The following TMEM260 variants were observed in gnomAD, a reference collection of about 807,000 sequenced individuals.
The protein encoded by TMEM260 is transmembrane protein 260, also known as protein O-mannosyl-transferase TMEM260.
In TMEM260, 82 loss-of-function variants were observed where a neutral mutation model predicts 88.9. The observed-to-expected ratio is 0.92, with a 90% confidence interval of 0.77 to 1.11. The LOEUF (loss-of-function observed/expected upper bound fraction) is 1.11. Ranked by LOEUF, TMEM260 falls within the 50% of genes least tolerant of loss-of-function variation. The pLI, the probability that TMEM260 is intolerant of heterozygous loss-of-function variation, is 0.00. For missense variants in TMEM260, 902 were observed against 853.4 expected (o/e 1.06, Z -0.71); for synonymous variants, 314 against 309.3 (o/e 1.02, Z -0.16).
intron 11 of TMEM260, among the ~76,000 whole-genome samples, chr14:56,625,068 C>T (rs1020249883): frequency 2.0e-5 from 3 of 152,244 alleles, no homozygotes; most frequent in Non-Finnish European, 2.9e-5. Context: ...GTAATGCTGG[C>T]CCCTGCTGTG....
At chr14:56,594,039 G>A (rs957868547) in intron 3 of TMEM260, among the ~76,000 whole-genome samples, 2 of 151,990 alleles carry the variant, frequency 1.3e-5, no homozygotes, top group African/African-American at 4.8e-5. Context: ...TCATAGTGGT[G>A]GTGGTTGAAG....
intron 3 of TMEM260, among the ~76,000 whole-genome samples, chr14:56,587,249 T>G (rs959555930): frequency 6.6e-5 from 10 of 151,942 alleles, no homozygotes. Context: ...ATTTTGATAG[T>G]CTGTATTTTA....
At chr14:56,662,836 G>A in the TMEM260 span, among the ~76,000 whole-genome samples, 1 of 152,186 alleles carries the variant, frequency 6.6e-6, no homozygotes, top group Non-Finnish European at 1.5e-5. Flanking sequence ...ATTCTAGAAG[G>A]CAGTTGCATT....
At chr14:56,603,748 A>T in intron 3 of TMEM260, 67 bp from the exon 4 acceptor site, 1 of 1,584,180 alleles carries the variant, frequency 6.3e-7, no homozygotes, top group South Asian at 1.1e-5. Flanking sequence ...GGTACAGTTT[A>T]CCAAAAGGAA....
At position 56,631,725 on chromosome 14, in the gene TMEM260, C is replaced by A. The variant is rs979154854; in HGVS notation, c.1548-1270C>A. Among the ~76,000 whole-genome samples, 3 of 152,142 alleles carry A rather than the reference C, an allele frequency of 2.0e-5. No homozygotes were observed. The South Asian group carries it at 6.2e-4, about 32-fold the overall frequency. ...GTGGTTTGGCCCTAGAAGGTCATAC[C>A]GGTTAAACTCTGCTGTTTTGCCTCT... On this transcript the variant is annotated intron_variant, in intron 12 of 15. Transcript: ENST00000261556.
At chr14:56,654,151 C>T (rs1195645377), downstream of TMEM260, among the ~76,000 whole-genome samples, 5 of 152,184 alleles carry the variant, frequency 3.3e-5, no homozygotes, top group Non-Finnish European at 7.4e-5. Flanking sequence ...TTCCCCTTTC[C>T]TTTTAGACGT....
chr14:56,608,778 G>A (rs1459924680), intron 5 of TMEM260, among the ~76,000 whole-genome samples: 1 of 152,128 alleles, frequency 6.6e-6, no homozygotes, highest in African/African-American at 2.4e-5. Flanking sequence ...TCACTTCCAG[G>A]CAGGTTATCT....
intron 10 of TMEM260, chr14:56,619,224 T>A (rs140932341): frequency 6.3e-6 from 1 of 157,806 alleles, no homozygotes; most frequent in Non-Finnish European, 1.4e-5. Flanking sequence ...TAGGCTGGAG[T>A]ACAGTGGCAT....
chr14:56,628,497 T>C lies in TMEM260; in HGVS notation c.1547+2967T>C, dbSNP rs183723755. 3.9e-3 allele frequency among the ~76,000 whole-genome samples: 588 copies of C among 152,318 alleles called. 4 individuals are homozygous for C. Among genetic ancestry groups the C allele is most frequent in the Non-Finnish European group, 5.5e-3 (376 of 68,026 alleles). ...CTAATGCCAGATCACAAAGATTTTC[T>C]CATGTTTTCTTCTATGAGTTCTATA... On this transcript the variant is annotated intron_variant, in intron 12 of 15. Coordinates refer to ENST00000261556, the MANE Select transcript of TMEM260 (RefSeq NM_017799.4).
Position 56,621,721 on chromosome 14 carries a change from T to C in TMEM260, c.1398+19T>C. ...TCAGGAAGTAAGTATATGAAAAATA[T>C]ACTTAGAATATAGCGATGATTTAAA... On this transcript the variant is annotated intron_variant, in intron 11 of 15. Coordinates refer to ENST00000261556, the MANE Select transcript of TMEM260 (RefSeq NM_017799.4). The C allele has an allele frequency of 6.3e-7, 1 of 1,583,830 alleles. No homozygotes were observed. The highest frequency in any genetic ancestry group is 8.6e-7 in the Non-Finnish European group (1 of 1,166,376).
chr14:56,608,495 C>T (rs1017390838), intron 5 of TMEM260, among the ~76,000 whole-genome samples: 1 of 152,114 alleles, frequency 6.6e-6, no homozygotes, highest in African/African-American at 2.4e-5. Context: ...TATGAAGCAG[C>T]ATTGTTATAA....
rs1887091610 is a variant in TMEM260 at position 56,609,104 on chromosome 14, A to G, written c.637-2A>G. The G allele has an allele frequency of 1.2e-6, 2 of 1,613,914 alleles. No individual in the cohort carries two copies. Among genetic ancestry groups the G allele is most frequent in the Non-Finnish European group, 8.5e-7 (1 of 1,179,834 alleles). On this transcript the variant is annotated splice_acceptor_variant, in intron 5 of 15. Transcript: ENST00000261556. LOFTEE classifies it high-confidence loss of function. ...TATACCACCCAATGTGCTCTGATGC[A>G]GGAACTCTCCCTGGGCTCTTTGTTG...
intron 5 of TMEM260, among the ~76,000 whole-genome samples, chr14:56,608,280 A>G (rs1887037796): frequency 6.6e-6 from 1 of 152,198 alleles, no homozygotes; most frequent in African/African-American, 2.4e-5. Flanking sequence ...AAAAATTGGC[A>G]ATTTCCAAAT....
chr14:56,623,721 A>G (rs1888070993), intron 11 of TMEM260, among the ~76,000 whole-genome samples: 1 of 152,226 alleles, frequency 6.6e-6, no homozygotes, highest in Non-Finnish European at 1.5e-5. Context: ...TAATATTAAT[A>G]TCCTCCAGAA....
the TMEM260 span, among the ~76,000 whole-genome samples, chr14:56,661,643 G>T: frequency 1.3e-5 from 2 of 152,038 alleles, no homozygotes; most frequent in Non-Finnish European, 2.9e-5. Context: ...CTAAAGGAAT[G>T]ACTAGCCAAT....
intron 3 of TMEM260, among the ~76,000 whole-genome samples, chr14:56,589,051 AT>A (rs1360577982): frequency 6.6e-6 from 1 of 152,086 alleles, no homozygotes; most frequent in Non-Finnish European, 1.5e-5. Flanking sequence ...TTTCAAAATT[AT>A]TTTCTAGGAA....
chr14:56,602,022 T>A (rs777500337), intron 3 of TMEM260, among the ~76,000 whole-genome samples: 3 of 152,156 alleles, frequency 2.0e-5, no homozygotes, highest in Non-Finnish European at 4.4e-5. Context: ...AATATTGATA[T>A]ATGAAACATA....
At chr14:56,628,514 AGTTCTATAGTTTT>A (rs1888376860) in intron 12 of TMEM260, among the ~76,000 whole-genome samples, 1 of 151,982 alleles carries the variant, frequency 6.6e-6, no homozygotes, top group Admixed American at 6.6e-5. Context: ...TTCTTCTATG[AGTTCTATAGTTTT>A]GTTTTTGTGT....
chr14:56,658,960 C>A, the TMEM260 span, among the ~76,000 whole-genome samples: 3 of 152,094 alleles, frequency 2.0e-5, no homozygotes, highest in South Asian at 2.1e-4. Flanking sequence ...GAACTCCCGA[C>A]CTCAGTTGAT....
Sources: gnomAD v4.1 joint callset for allele counts (sites outside exome capture counted in the v4.1 genomes callset) on GRCh38, gnomAD v4.1.1 for gene constraint, MANE v1.5 for transcripts, NCBI Gene and HGNC (gene_info 2026-07-23, HGNC 2026-07-21) for gene names.